Variants in MAN2A1 observed in about 807,000 individuals in gnomAD.
MAN2A1 encodes the protein alpha-mannosidase 2.
In MAN2A1, 76 loss-of-function variants were observed where a neutral mutation model predicts 142.6. The ratio of observed to expected loss-of-function variants is 0.53; its 90% confidence interval spans 0.44 to 0.65. The LOEUF (loss-of-function observed/expected upper bound fraction) is 0.65, where lower values mean the gene tolerates loss of function less well. Ranked by LOEUF, MAN2A1 falls within the 30% of genes least tolerant of loss-of-function variation. The pLI, the probability that MAN2A1 is intolerant of heterozygous loss-of-function variation, is 0.00. For missense variants in MAN2A1, 1,311 were observed against 1,365.1 expected, an observed-to-expected ratio of 0.96 and a Z score of 0.62; for synonymous variants, 559 against 473.2, an observed-to-expected ratio of 1.18 and a Z score of -2.35.
chr5:109,778,652 G>A (rs1226739708), intron 8 of MAN2A1, among the ~76,000 whole-genome samples: 1 of 152,152 alleles, frequency 6.6e-6, no homozygotes, highest in Non-Finnish European at 1.5e-5. Flanking sequence ...TGAAAATTTG[G>A]TAGAGTATAG....
At chr5:109,782,851 A>G (rs1334402950) in intron 9 of MAN2A1, among the ~76,000 whole-genome samples, 2 of 152,138 alleles carry the variant, frequency 1.3e-5, no homozygotes, top group Non-Finnish European at 2.9e-5. Context: ...AGCATACAGT[A>G]TATAATCAAA....
At chr5:109,856,468 C>T (rs1049815546) in intron 20 of MAN2A1, among the ~76,000 whole-genome samples, 20 of 152,096 alleles carry the variant, frequency 1.3e-4, no homozygotes, top group African/African-American at 4.8e-4. Context: ...AAGTCTGCTC[C>T]TAGATGCTCT....
Position 109,690,563 on chromosome 5 carries a change from G to A in MAN2A1, c.135+11G>A, listed in dbSNP as rs749455038. ...GGCTCCTTCCCTCAGGTAAGCACCT[G>A]GGAAGGGGGCGCGGGGCTCCGAGGG... On this transcript the variant is annotated intron_variant, in intron 1 of 21. Transcript: ENST00000261483. The A allele has an allele frequency of 6.3e-7, 1 of 1,588,232 alleles. No homozygotes were observed. Among genetic ancestry groups the A allele is most frequent in the Non-Finnish European group, 8.6e-7 (1 of 1,167,540 alleles).
At chr5:109,715,572 C>T (rs1751430184) in intron 2 of MAN2A1, among the ~76,000 whole-genome samples, 1 of 152,050 alleles carries the variant, frequency 6.6e-6, no homozygotes, top group South Asian at 2.1e-4. Context: ...ATGATTATGC[C>T]TGGTTGACCC....
chr5:109,718,485 G>T (rs1437945500), intron 3 of MAN2A1, among the ~76,000 whole-genome samples: 1 of 152,132 alleles, frequency 6.6e-6, no homozygotes, highest in Non-Finnish European at 1.5e-5. Context: ...GCTAACAAGG[G>T]GCACCAGAAT....
intron 4 of MAN2A1, among the ~76,000 whole-genome samples, chr5:109,732,478 G>T (rs1751944318): frequency 6.6e-6 from 1 of 152,120 alleles, no homozygotes; most frequent in Non-Finnish European, 1.5e-5. Context: ...TTTTCTTCTA[G>T]GGTTTTTATG....
At chr5:109,805,757 A>G (rs1204136172) in intron 12 of MAN2A1, among the ~76,000 whole-genome samples, 1 of 152,198 alleles carries the variant, frequency 6.6e-6, no homozygotes, top group Non-Finnish European at 1.5e-5. Context: ...TTCTTGTCTA[A>G]GTATTAATCA....
chr5:109,797,271 G>A (rs1753888854), intron 12 of MAN2A1, among the ~76,000 whole-genome samples: 1 of 151,876 alleles, frequency 6.6e-6, no homozygotes, highest in African/African-American at 2.4e-5. Flanking sequence ...TAAAAAAAGA[G>A]GACCTGGAAC....
intron 10 of MAN2A1, among the ~76,000 whole-genome samples, chr5:109,788,219 G>GA (rs5870389): frequency 0.73 from 105,665 of 144,610 alleles, 39,154 homozygotes; most frequent in East Asian, 0.93. Flanking sequence ...ACTGAATTAG[G>GA]AAAAAAAAAA....
chr5:109,818,769 A>G (rs1401381861), intron 13 of MAN2A1, among the ~76,000 whole-genome samples: 1 of 152,214 alleles, frequency 6.6e-6, no homozygotes, highest in Non-Finnish European at 1.5e-5. Context: ...AGGTTCACAT[A>G]TTGGATAAAA....
rs535954757 is a variant in MAN2A1 at position 109,820,714 on chromosome 5, G to A, written c.2451+372G>A. 6.6e-5 allele frequency among the ~76,000 whole-genome samples: 10 copies of A among 152,300 alleles called. No homozygotes were observed. In the South Asian group the frequency reaches 2.1e-3, roughly 32 times the overall value. On this transcript the variant is annotated intron_variant, in intron 15 of 21. Coordinates refer to ENST00000261483, the MANE Select transcript of MAN2A1 (RefSeq NM_002372.4). Reference sequence around the variant, plus strand: ...CAGTTACTCAGGAAGGCTGAGGTGGGAGGATGGCTTGAGCCCGGAAGGCAG... The same window carrying A: ...CAGTTACTCAGGAAGGCTGAGGTGGAAGGATGGCTTGAGCCCGGAAGGCAG...
intron 5 of MAN2A1, among the ~76,000 whole-genome samples, chr5:109,759,080 T>C (rs1358058441): frequency 6.6e-6 from 1 of 152,106 alleles, no homozygotes; most frequent in African/African-American, 2.4e-5. Flanking sequence ...TAGGCCAGTT[T>C]ATCAATTTCT....
intron 20 of MAN2A1, chr5:109,864,764 C>A: frequency 2.6e-6 from 1 of 382,300 alleles, no homozygotes; most frequent in South Asian, 5.2e-5. Flanking sequence ...CATAAGGAAA[C>A]CTAAGTCCTC....
chr5:109,715,447 T>G (rs956945301), intron 2 of MAN2A1, among the ~76,000 whole-genome samples: 3 of 152,024 alleles, frequency 2.0e-5, no homozygotes, highest in Non-Finnish European at 2.9e-5. Flanking sequence ...TTCCCACCGT[T>G]TTTTCCTTTG....
intron 16 of MAN2A1, among the ~76,000 whole-genome samples, chr5:109,826,166 A>G (rs983960302): frequency 2.0e-5 from 3 of 151,838 alleles, no homozygotes; most frequent in Non-Finnish European, 4.4e-5. Context: ...TTGTCTTCCC[A>G]AAGTGCTGGT....
At chr5:109,863,688 A>G (rs1755811289) in intron 20 of MAN2A1, 1 of 152,234 alleles carries the variant, frequency 6.6e-6, no homozygotes, top group African/African-American at 2.4e-5. Context: ...GGCACATGAT[A>G]GAGTCCTGTT....
At chr5:109,713,431 C>T in intron 1 of MAN2A1, 89 bp from the exon 2 acceptor site, 1 of 1,162,670 alleles carries the variant, frequency 8.6e-7, no homozygotes, top group Non-Finnish European at 1.2e-6. Flanking sequence ...CCCTCGTAGG[C>T]AACCACATAA....
At chr5:109,719,875 A>G (rs1333157718) in intron 3 of MAN2A1, among the ~76,000 whole-genome samples, 1 of 152,176 alleles carries the variant, frequency 6.6e-6, no homozygotes, top group Non-Finnish European at 1.5e-5. Context: ...AGATCTAACA[A>G]TTGTCATAAA....
chr5:109,814,481 A>T (rs1754400770), intron 12 of MAN2A1, among the ~76,000 whole-genome samples: 1 of 152,228 alleles, frequency 6.6e-6, no homozygotes, highest in Non-Finnish European at 1.5e-5. Context: ...TTCGTGTGTC[A>T]GATAAATTTG....
Sources: allele counts gnomAD v4.1 joint callset (sites outside exome capture counted in the v4.1 genomes callset), GRCh38; gene constraint gnomAD v4.1.1; transcripts MANE v1.5; gene names NCBI Gene and HGNC (gene_info 2026-07-23, HGNC 2026-07-21).